The following BIRC2 variants were observed in gnomAD, a reference collection of about 807,000 sequenced individuals.
BIRC2 encodes the protein baculoviral IAP repeat-containing protein 2.
BIRC2 carries 18 observed loss-of-function variants against 60.9 expected under a neutral mutation model. That is an observed-to-expected ratio of 0.30 (90% CI 0.20 to 0.44). BIRC2 has a LOEUF of 0.44. Among genes scored for constraint, BIRC2 ranks in the 20% least tolerant of loss-of-function variants. The pLI is 1.00. For missense variants in BIRC2, 701 were observed against 728.5 expected, an observed-to-expected ratio of 0.96 and a Z score of 0.43; for synonymous variants, 282 against 247.7, an observed-to-expected ratio of 1.14 and a Z score of -1.30.
chr11:102,352,463 TGCAGTGACAC>T (rs1209627641), intron 3 of BIRC2, among the ~76,000 whole-genome samples: 1 of 148,998 alleles, frequency 6.7e-6, no homozygotes, highest in East Asian at 2.0e-4. Flanking sequence ...CAGGCTGGAG[TGCAGTGACAC>T]GATCTTGGCT....
At position 102,350,290 on chromosome 11, in the gene BIRC2, A is replaced by G. The variant is rs1344833491; in HGVS notation, c.436A>G (p.Ser146Gly). Residue 146 changes from serine to glycine, a missense_variant, in exon 2 of 9, where the codon AGT becomes GGT. By Grantham distance (56) the Ser-to-Gly change is moderately conservative (BLOSUM62 0). Around this residue, in one of 4 missense-constraint regions of BIRC2, gnomAD observed 375 missense variants for 365.9 expected, o/e 1.02. Coordinates refer to ENST00000227758, the MANE Select transcript of BIRC2 (RefSeq NM_001166.5). ...TTCATTATCTCCCACCTTGGAACAT[A>G]GTAGCTTGTTCAGTGGTTCTTACTC... is the stretch of plus-strand genomic sequence containing the variant. Reference protein sequence around the residue: ...AHSLSPTLEHSSLFSGSYSSL... With the variant: ...AHSLSPTLEHGSLFSGSYSSL... The G allele has an allele frequency of 1.2e-6, 2 of 1,614,232 alleles. No homozygotes were observed. The highest frequency in any genetic ancestry group is 1.7e-6 in the Non-Finnish European group (2 of 1,180,040).
intron 5 of BIRC2, among the ~76,000 whole-genome samples, chr11:102,364,174 T>TACATAC (rs1951523670): frequency 1.3e-5 from 1 of 78,118 alleles, no homozygotes; most frequent in Non-Finnish European, 2.3e-5. Flanking sequence ...TATATATATA[T>TACATAC]ACACACACAC....
In BIRC2 at chr11:102,377,375, T is replaced by C. The variant is rs1951726619; in HGVS notation, c.1367-121T>C. 13 of 853,376 alleles carry C rather than the reference T, an allele frequency of 1.5e-5. 1 individual carries two copies. Among genetic ancestry groups the C allele is most frequent in the African/African-American group, 7.1e-5 (4 of 56,034 alleles). 52.9% of individuals were successfully genotyped at this position (853,376 alleles called of 1,614,324 possible). ...ACTTACAAATGCAAACAAGTTACTTTGTTCTTTTTTGAACTTTATTTAGTG... is the reference window on the plus strand; with the variant it reads ...ACTTACAAATGCAAACAAGTTACTTCGTTCTTTTTTGAACTTTATTTAGTG... On this transcript the variant is annotated intron_variant, in intron 6 of 8. Coordinates refer to ENST00000227758, the MANE Select transcript of BIRC2 (RefSeq NM_001166.5).
chr11:102,374,453 G>C (rs1381718291), intron 6 of BIRC2, among the ~76,000 whole-genome samples: 1 of 148,874 alleles, frequency 6.7e-6, no homozygotes, highest in South Asian at 2.2e-4. Flanking sequence ...TGCCCCTGCT[G>C]GGGGGTGCCT....
In BIRC2 at chr11:102,378,189, AATAGTCTATATTTTAAC is replaced by A; in HGVS notation, c.*7_*23del. The A allele has an allele frequency of 6.4e-7, 1 of 1,574,140 alleles. No individual in the cohort carries two copies. Among genetic ancestry groups the A allele is most frequent in the Non-Finnish European group, 8.6e-7 (1 of 1,164,658 alleles). On this transcript the variant is annotated 3_prime_UTR_variant, in exon 9 of 9. Coordinates refer to ENST00000227758, the MANE Select transcript of BIRC2 (RefSeq NM_001166.5). ...TTCGTACATTTCTCTCTTAAAGAAAAATAGTCTATATTTTAACCTGCATAAAAAGGTCTTTAAAATAT... is the reference window on the plus strand; with the variant it reads ...TTCGTACATTTCTCTCTTAAAGAAAACTGCATAAAAAGGTCTTTAAAATAT...
At chr11:102,364,563 AAT>A (rs1339095405) in intron 5 of BIRC2, among the ~76,000 whole-genome samples, 1 of 152,180 alleles carries the variant, frequency 6.6e-6, no homozygotes, top group African/African-American at 2.4e-5. Context: ...CAATTTATGT[AAT>A]ATACATATGT....
chr11:102,366,528 G>A (rs919736882), intron 5 of BIRC2, among the ~76,000 whole-genome samples: 7 of 151,876 alleles, frequency 4.6e-5, no homozygotes, highest in African/African-American at 9.7e-5. Flanking sequence ...CACCACGCCC[G>A]GCTAATTTTT....
At chr11:102,362,663 G>T (rs2135813343) in intron 3 of BIRC2, 5 of 362,900 alleles carry the variant, frequency 1.4e-5, no homozygotes, top group East Asian at 4.4e-5. Flanking sequence ...TTTTCTTTTT[G>T]TTGTTGTGTT....
rs1240401330 is a variant in BIRC2 at position 102,349,891 on chromosome 11, C to T, written c.37C>T (p.Pro13Ser). 3.7e-6 allele frequency: 6 copies of T among 1,612,014 alleles called. No homozygotes were observed. Among genetic ancestry groups the T allele is most frequent in the Non-Finnish European group, 5.1e-6 (6 of 1,178,612 alleles). Residue 13 changes from proline to serine, a missense_variant, in exon 2 of 9, where the codon CCC becomes TCC. Coordinates refer to ENST00000227758, the MANE Select transcript of BIRC2 (RefSeq NM_001166.5). ...TGCCTCCCAAAGACTTTTCCCAGGT[C>T]CCTCGTATCAAAACATTAAGAGTAT... The part of the protein sequence containing the change: ...KTASQRLFPG[P>S]SYQNIKSIME...
chr11:102,352,730 C>T (rs759720914), intron 3 of BIRC2, among the ~76,000 whole-genome samples: 18 of 152,250 alleles, frequency 1.2e-4, no homozygotes, highest in South Asian at 4.1e-4. Context: ...TGCCCCCTGC[C>T]GCACCATTCT....
At chr11:102,369,473 G>A (rs931276204) in intron 6 of BIRC2, among the ~76,000 whole-genome samples, 4 of 151,402 alleles carry the variant, frequency 2.6e-5, no homozygotes, top group Non-Finnish European at 5.9e-5. Context: ...TTTCATCCAT[G>A]TCCCTACAAA....
At chr11:102,376,262 A>G (rs1951713078) in intron 6 of BIRC2, among the ~76,000 whole-genome samples, 2 of 152,336 alleles carry the variant, frequency 1.3e-5, no homozygotes, top group South Asian at 2.1e-4. Context: ...TGCTACCTAG[A>G]TTAGAATAGG....
At chr11:102,363,334 T>C (rs1478572058) in intron 4 of BIRC2, among the ~76,000 whole-genome samples, 1 of 152,346 alleles carries the variant, frequency 6.6e-6, no homozygotes, top group East Asian at 1.9e-4. Context: ...CTTTGCTGTT[T>C]TCCAGAAAAA....
intron 3 of BIRC2, among the ~76,000 whole-genome samples, chr11:102,355,073 C>T (rs562816935): frequency 4.8e-5 from 7 of 145,646 alleles, no homozygotes; most frequent in Non-Finnish European, 1.0e-4. Flanking sequence ...TTTATTTTGT[C>T]GATTGTTTCC....
intron 3 of BIRC2, among the ~76,000 whole-genome samples, chr11:102,352,214 C>T (rs1441954777): frequency 6.7e-6 from 1 of 149,590 alleles, no homozygotes; most frequent in Non-Finnish European, 1.5e-5. Flanking sequence ...CCCGGGTTCA[C>T]GCCATTCTCC....
At chr11:102,350,797 T>C in intron 2 of BIRC2, 47 bp from the exon 3 acceptor site, 1 of 1,607,896 alleles carries the variant, frequency 6.2e-7, no homozygotes, top group Middle Eastern at 1.7e-4. Context: ...TTAATTTACA[T>C]ATTAGAACAT....
chr11:102,357,869 G>A lies in BIRC2; in HGVS notation c.996-5027G>A, dbSNP rs548609257. Among the ~76,000 whole-genome samples, 4 of 151,914 alleles carry A rather than the reference G, an allele frequency of 2.6e-5. No homozygotes were observed. In the East Asian group the frequency reaches 5.8e-4, roughly 22 times the overall value. On this transcript the variant is annotated intron_variant, in intron 3 of 8. Coordinates refer to ENST00000227758, the MANE Select transcript of BIRC2 (RefSeq NM_001166.5). ...TTTAAGATTTTTTTTAAATATAGGC[G>A]ATTATTGCTATAAACTTTCCTTTTA... is the stretch of plus-strand genomic sequence containing the variant.
chr11:102,368,387 T>C lies in BIRC2; in HGVS notation c.1205T>C (p.Met402Thr). ...NTPVVKSALE[M>T]GFNRDLVKQT... is the part of the protein sequence containing the mutation. ...CCTGTGGTTAAATCTGCCTTGGAAA[T>C]GGGCTTTAATAGAGACCTGGTGAAA... The change falls in exon 6 of 9, where the codon ATG (methionine) becomes ACG (threonine). Residue 402 changes from methionine (M) to threonine (T), a missense_variant. Transcript: ENST00000227758. 6.2e-7 allele frequency: 1 copy of C among 1,614,068 alleles called. No individual in the cohort carries two copies. Among genetic ancestry groups the C allele is most frequent in the East Asian group, 2.2e-5 (1 of 44,862 alleles).
Position 102,349,784 on chromosome 11 carries a change from T to A in BIRC2, c.-71T>A. On this transcript the variant is annotated 5_prime_UTR_variant, in exon 2 of 9. Coordinates refer to ENST00000227758, the MANE Select transcript of BIRC2 (RefSeq NM_001166.5). Reference sequence around the variant, plus strand: ...GTCTATCATTGATTTCTTTTTGTGGTAAAAATCTTAGTTCATGTGAAGAAA... The same window carrying A: ...GTCTATCATTGATTTCTTTTTGTGGAAAAAATCTTAGTTCATGTGAAGAAA... The A allele has an allele frequency of 6.9e-7, 1 of 1,443,372 alleles. No individual in the cohort carries two copies. The allele number at this position is 1,443,372 out of a possible 1,614,324, so 89.4% of individuals were successfully genotyped here. A position where few individuals can be genotyped will look rare whatever the true frequency, so the allele number is the denominator to read the frequency against.
Sources: gnomAD v4.1 joint callset for allele counts (sites outside exome capture counted in the v4.1 genomes callset) on GRCh38, gnomAD v4.1.1 for gene constraint, gnomAD v4.1.1 regional missense constraint, MANE v1.5 for transcripts, NCBI Gene and HGNC (gene_info 2026-07-23, HGNC 2026-07-21) for gene names.